Variants in DUOX1 observed in about 807,000 individuals in gnomAD.
DUOX1 encodes the protein dual oxidase 1.
DUOX1 carries 134 observed loss-of-function variants against 181.8 expected under a neutral mutation model. That is an observed-to-expected ratio of 0.74 (90% CI 0.64 to 0.85). DUOX1 has a LOEUF of 0.85. DUOX1 is among the 40% of genes least tolerant of loss of function. The pLI, the probability that DUOX1 is intolerant of heterozygous loss-of-function variation, is 0.00. For synonymous variants in DUOX1, 798 were observed against 832.5 expected (o/e 0.96, Z 0.71); for missense variants, 1,814 against 2,064.4 (o/e 0.88, Z 2.35).
intron 18 of DUOX1, 116 bp from the exon 19 acceptor site, chr15:45,147,317 T>A: frequency 7.3e-7 from 1 of 1,364,786 alleles, no homozygotes; most frequent in Non-Finnish European, 1.0e-6. Flanking sequence ...TAAGGCCTCC[T>A]AGCAGAGGGG....
chr15:45,142,563 T>G (rs1362075168), intron 15 of DUOX1, among the ~76,000 whole-genome samples: 1 of 151,838 alleles, frequency 6.6e-6, no homozygotes, highest in Non-Finnish European at 1.5e-5. Flanking sequence ...ATGTCTCTCC[T>G]AAAAATACAA....
At chr15:45,163,300 G>C (rs1897150564) in intron 31 of DUOX1, among the ~76,000 whole-genome samples, 1 of 152,188 alleles carries the variant, frequency 6.6e-6, no homozygotes, top group Non-Finnish European at 1.5e-5. Flanking sequence ...CAATCACCAA[G>C]GGATCTTTCC....
intron 29 of DUOX1, among the ~76,000 whole-genome samples, chr15:45,161,438 A>AAAG (rs1897098694): frequency 1.0e-5 from 1 of 97,816 alleles, no homozygotes. Flanking sequence ...AAAAAAAAAA[A>AAAG]AAGGAAGGAG....
At chr15:45,153,302 G>A (rs1896865257) in intron 25 of DUOX1, 78 bp from the exon 26 acceptor site, 5 of 1,104,588 alleles carry the variant, frequency 4.5e-6, no homozygotes, top group Middle Eastern at 2.1e-4. Context: ...TCTGGCCAGG[G>A]TCCTCGATCT....
intron 1 of DUOX1, 60 bp from the exon 2 acceptor site, chr15:45,131,858 G>A (rs1372290356): frequency 1.6e-6 from 2 of 1,216,972 alleles, no homozygotes; most frequent in Non-Finnish European, 2.4e-6. Context: ...GAGGCCTGCA[G>A]AGTCTTTCAC....
chr15:45,153,325 G>C, intron 25 of DUOX1, 55 bp from the exon 26 acceptor site: 1 of 1,462,712 alleles, frequency 6.8e-7, no homozygotes, highest in East Asian at 2.3e-5. Context: ...GGCTGAATGA[G>C]TGAGCACCCA....
rs75698002 is a variant in DUOX1, at chr15:45,138,500, G to T, written c.1113+486G>T. The T allele has an allele frequency of 6.2e-3, 968 of 156,756 alleles. 11 individuals carry two copies. The highest frequency in any genetic ancestry group is 0.022 in the African/African-American group (924 of 41,686). 9.7% of individuals were successfully genotyped at this position (156,756 alleles called of 1,614,324 possible). A position where few individuals can be genotyped will look rare whatever the true frequency, so the allele number is the denominator to read the frequency against. On this transcript the variant is annotated intron_variant, in intron 10 of 33. Transcript: ENST00000389037. ...GGGTTCCTAGAGATTATTGGGGATTGTCCATCCATCCAAATCAGGCCAGCA... is the reference window on the plus strand; with the variant it reads ...GGGTTCCTAGAGATTATTGGGGATTTTCCATCCATCCAAATCAGGCCAGCA...
rs1463039768 is a variant in DUOX1 at position 45,135,567 on chromosome 15, C to A, written c.589C>A (p.Leu197Met). The A allele has an allele frequency of 2.6e-6, 4 of 1,560,370 alleles. No individual in the cohort carries two copies. The highest frequency in any genetic ancestry group is 3.5e-6 in the Non-Finnish European group (4 of 1,153,582). The change falls in exon 6 of 34, where the codon CTG becomes ATG. Residue 197 changes from leucine (L) to methionine (M), a missense_variant. Physicochemically the swap from Leu to Met is conservative, Grantham distance 15 (BLOSUM62 2). Around this residue, in one of 5 missense-constraint regions of DUOX1, gnomAD observed 320 missense variants for 313.1 expected, o/e 1.02. Transcript: ENST00000389037. ...GCTGCGGAGCTTCTCCAGGGGACAG[C>A]TGGCGTCGGGGCCCGACCCCGCTTT... is the stretch of plus-strand genomic sequence containing the variant. The part of the protein sequence containing the change: ...DALRSFSRGQ[L>M]ASGPDPAFPR...
chr15:45,153,925 G>T, intron 26 of DUOX1, 26 bp from the exon 27 acceptor site: 1 of 1,598,200 alleles, frequency 6.3e-7, no homozygotes, highest in South Asian at 1.1e-5. Context: ...CTCTCAAGGT[G>T]TCTCTTTGCT....
intron 15 of DUOX1, 82 bp from the exon 16 acceptor site, chr15:45,143,108 G>A: frequency 9.6e-7 from 1 of 1,042,386 alleles, no homozygotes; most frequent in Non-Finnish European, 1.5e-6. Flanking sequence ...AGGTGGTATT[G>A]CCAGGTAAGG....
At position 45,132,159 on chromosome 15, in the gene DUOX1, G is replaced by A. The variant is rs548698559; in HGVS notation, c.58+135G>A. On this transcript the variant is annotated intron_variant, in intron 2 of 33. Transcript: ENST00000389037. ...AGCTGACACAGTGCCCTGCACATGA[G>A]AGTTGCTCATTTCTAGCTGTTGAAG... The A allele has an allele frequency of 1.1e-5, 8 of 711,002 alleles. No individual in the cohort carries two copies. The South Asian group carries it at 2.0e-4, about 18-fold the overall frequency. 44.0% of individuals were successfully genotyped at this position (711,002 alleles called of 1,614,324 possible).
intron 27 of DUOX1, chr15:45,155,565 A>C: frequency 4.0e-6 from 2 of 494,646 alleles, no homozygotes; most frequent in Admixed American, 3.8e-5. Flanking sequence ...GCAAGACTCC[A>C]TCTCAAAAAA....
At chr15:45,161,446 GA>G (rs1897099903) in intron 29 of DUOX1, among the ~76,000 whole-genome samples, 1 of 140,176 alleles carries the variant, frequency 7.1e-6, no homozygotes, top group Non-Finnish European at 1.6e-5. Flanking sequence ...AAAAAGGAAG[GA>G]GGGAGGGAGG....
At chr15:45,159,288 C>A (rs1277547316) in intron 28 of DUOX1, among the ~76,000 whole-genome samples, 1 of 152,178 alleles carries the variant, frequency 6.6e-6, no homozygotes, top group Non-Finnish European at 1.5e-5. Flanking sequence ...CAGAGGGTGA[C>A]AAAACCAGGC....
chr15:45,148,940 A>G (rs1331330598), intron 21 of DUOX1, among the ~76,000 whole-genome samples: 1 of 151,660 alleles, frequency 6.6e-6, no homozygotes, highest in African/African-American at 2.4e-5. Context: ...TTTTGCCACT[A>G]TATCTCCTGG....
At chr15:45,153,238 AAAAAAAAG>A in intron 25 of DUOX1, 134 bp from the exon 26 acceptor site, 1 of 420,752 alleles carries the variant, frequency 2.4e-6, no homozygotes, top group Non-Finnish European at 4.5e-6. Flanking sequence ...AAAAAAAAAA[AAAAAAAAG>A]AGGTCAGAAG....
intron 28 of DUOX1, among the ~76,000 whole-genome samples, chr15:45,158,082 G>A (rs887778255): frequency 6.6e-6 from 1 of 152,192 alleles, no homozygotes; most frequent in South Asian, 2.1e-4. Flanking sequence ...GCACATCAGA[G>A]GCTGAGCTGG....
At chr15:45,158,992 T>A (rs1897033163) in intron 28 of DUOX1, among the ~76,000 whole-genome samples, 1 of 152,186 alleles carries the variant, frequency 6.6e-6, no homozygotes. Flanking sequence ...AGGAGAAGAC[T>A]GGACTTGGGC....
chr15:45,152,899 G>A, intron 25 of DUOX1: 1 of 366,310 alleles, frequency 2.7e-6, no homozygotes, highest in Non-Finnish European at 5.1e-6. Flanking sequence ...TCTGTGGGGT[G>A]TTGGGTAGGG....
Sources: gnomAD v4.1 joint callset for allele counts (sites outside exome capture counted in the v4.1 genomes callset) on GRCh38, gnomAD v4.1.1 for gene constraint, gnomAD v4.1.1 regional missense constraint, MANE v1.5 for transcripts, NCBI Gene and HGNC (gene_info 2026-07-23, HGNC 2026-07-21) for gene names.